The following NRG4 variants were observed in gnomAD, a reference collection of about 807,000 sequenced individuals.
The protein encoded by NRG4 is pro-neuregulin-4, membrane-bound isoform.
A neutral mutation model predicts 15.0 loss-of-function variants in NRG4; 10 were observed. That is an observed-to-expected ratio of 0.67 (90% CI 0.41 to 1.13). The LOEUF is 1.13. Among genes scored for constraint, NRG4 ranks in the 50% most tolerant of loss-of-function variants. The probability of loss-of-function intolerance (pLI) is 0.00; values close to 1 mark genes in which losing one functional copy is unlikely to be tolerated. For synonymous variants in NRG4, 41 were observed against 50.1 expected, an observed-to-expected ratio of 0.82 and a Z score of 0.77; for missense variants, 139 against 140.2, an observed-to-expected ratio of 0.99 and a Z score of 0.04.
chr15:75,940,788 CTAACA>C (rs2030877923), downstream of NRG4: 1 of 1,596 alleles, frequency 6.3e-4, no homozygotes, highest in African/African-American at 8.1e-4. Flanking sequence ...ACATGGCTAA[CTAACA>C]AAGTTGCAAC....
rs558300169 is a variant in NRG4 at position 75,956,665 on chromosome 15, C to T, written c.252-654G>A. Among the ~76,000 whole-genome samples the T allele has an allele frequency of 4.1e-4, 63 of 152,226 alleles. No homozygotes were observed. The South Asian group carries it at 0.012, about 28-fold the overall frequency. ...TCTAAAAGCATACTTGCTCCTATTC[C>T]GGAGACACTACTGATTCTAGCCCAG... On this transcript the variant is annotated intron_variant, in intron 4 of 5. Coordinates refer to ENST00000394907, the MANE Select transcript of NRG4 (RefSeq NM_138573.4).
chr15:76,054,359 A>AG (rs1243690103), intron 2 of NRG4, among the ~76,000 whole-genome samples: 1 of 142,190 alleles, frequency 7.0e-6, no homozygotes, highest in Middle Eastern at 3.2e-3. Flanking sequence ...CCAAAGTGCT[A>AG]GGATTACAGG....
At chr15:76,015,122 C>A (rs1291794260), upstream of NRG4, among the ~76,000 whole-genome samples, 2 of 152,104 alleles carry the variant, frequency 1.3e-5, no homozygotes, top group African/African-American at 4.8e-5. Context: ...AATGGGAGTT[C>A]ACTCATGATT....
intron 5 of NRG4, among the ~76,000 whole-genome samples, chr15:75,950,231 C>A (rs1361435230): frequency 6.6e-6 from 1 of 152,050 alleles, no homozygotes; most frequent in Admixed American, 6.6e-5. Flanking sequence ...GAGATTCTAT[C>A]ATTAATAATT....
intron 5 of NRG4, among the ~76,000 whole-genome samples, chr15:75,955,028 A>C (rs1351647150): frequency 1.3e-5 from 2 of 152,116 alleles, no homozygotes; most frequent in Non-Finnish European, 2.9e-5. Flanking sequence ...TTCCAGCCTC[A>C]GTGGGAACAG....
chr15:76,038,888 C>T (rs1332709196), intron 4 of NRG4, among the ~76,000 whole-genome samples: 1 of 152,220 alleles, frequency 6.6e-6, no homozygotes, highest in Non-Finnish European at 1.5e-5. Context: ...TCACCCTACT[C>T]CCAGCCAGAG....
At position 76,053,978 on chromosome 15, in the gene NRG4, A is replaced by G. The variant is rs150310175; in HGVS notation, c.-261-995T>C. On this transcript the variant is annotated intron_variant, in intron 2 of 8. Coordinates refer to the NRG4 transcript ENST00000563910. Reference sequence around the variant, plus strand: ...AAAGGAATGGTTCTTCATAGAGTACATGCAAAATTCCAAATATCAAACACA... The same window carrying G: ...AAAGGAATGGTTCTTCATAGAGTACGTGCAAAATTCCAAATATCAAACACA... 5.6e-3 allele frequency among the ~76,000 whole-genome samples: 841 copies of G among 151,316 alleles called. 63 individuals are homozygous for G. Among genetic ancestry groups the G allele is most frequent in the African/African-American group, 0.02 (799 of 40,710 alleles).
At chr15:75,986,526 G>C (rs1203694868) in intron 3 of NRG4, among the ~76,000 whole-genome samples, 2 of 152,180 alleles carry the variant, frequency 1.3e-5, no homozygotes, top group South Asian at 2.1e-4. Flanking sequence ...AATATATTCT[G>C]AAGAGAAAAA....
At chr15:75,949,298 C>T (rs1296735138) in intron 5 of NRG4, among the ~76,000 whole-genome samples, 1 of 151,828 alleles carries the variant, frequency 6.6e-6, no homozygotes, top group African/African-American at 2.4e-5. Context: ...GTAGTCCCAG[C>T]TACTCGGGAG....
chr15:75,996,829 A>G (rs2034233273), intron 3 of NRG4, among the ~76,000 whole-genome samples: 1 of 152,186 alleles, frequency 6.6e-6, no homozygotes, highest in African/African-American at 2.4e-5. Context: ...GAAATGTATT[A>G]TAGGAATTAT....
chr15:75,966,422 T>C (rs1567080573), intron 3 of NRG4, among the ~76,000 whole-genome samples: 1 of 152,196 alleles, frequency 6.6e-6, no homozygotes, highest in Non-Finnish European at 1.5e-5. Context: ...CATAGGGCTA[T>C]TGTCAGAATC....
At chr15:76,007,697 G>A (rs891306298) in intron 3 of NRG4, among the ~76,000 whole-genome samples, 2 of 152,072 alleles carry the variant, frequency 1.3e-5, no homozygotes, top group African/African-American at 4.8e-5. Flanking sequence ...CCAAAGTGCT[G>A]GGATTACAGG....
chr15:75,981,527 G>A (rs1484228579), intron 3 of NRG4, among the ~76,000 whole-genome samples: 1 of 152,124 alleles, frequency 6.6e-6, no homozygotes, highest in African/African-American at 2.4e-5. Context: ...AAAATTTGTG[G>A]CATTGGATTT....
At chr15:75,970,266 T>C (rs544885240) in intron 3 of NRG4, among the ~76,000 whole-genome samples, 1 of 152,332 alleles carries the variant, frequency 6.6e-6, no homozygotes, top group African/African-American at 2.4e-5. Flanking sequence ...AGACAACACG[T>C]CCAATGAAGA....
upstream of NRG4, among the ~76,000 whole-genome samples, chr15:76,014,362 T>A (rs192752785): frequency 3.8e-4 from 58 of 152,352 alleles, no homozygotes; most frequent in Admixed American, 2.2e-3. Context: ...ATCCCATTTG[T>A]CAGTTTTGGC....
intron 5 of NRG4, among the ~76,000 whole-genome samples, chr15:76,026,138 C>G (rs1046533104): frequency 3.9e-5 from 6 of 152,104 alleles, no homozygotes; most frequent in African/African-American, 1.4e-4. Flanking sequence ...AATGAAATAA[C>G]AGCTGAAGAC....
intron 5 of NRG4, among the ~76,000 whole-genome samples, chr15:75,954,221 T>A (rs568882692): frequency 6.6e-6 from 1 of 152,020 alleles, no homozygotes. Flanking sequence ...ATATTTTCTA[T>A]GGTGTGTAAT....
chr15:76,037,517 A>C (rs775953644), intron 4 of NRG4, among the ~76,000 whole-genome samples: 5 of 152,202 alleles, frequency 3.3e-5, no homozygotes, highest in Non-Finnish European at 7.3e-5. Flanking sequence ...AGCCCTAGCC[A>C]GAGGAGAATC....
chr15:75,965,375 A>C (rs1315098319), intron 3 of NRG4, among the ~76,000 whole-genome samples: 1 of 152,246 alleles, frequency 6.6e-6, no homozygotes, highest in Non-Finnish European at 1.5e-5. Context: ...AGAAAAAGGC[A>C]TACAAAGTAA....
Sources: gnomAD v4.1 joint callset for allele counts (sites outside exome capture counted in the v4.1 genomes callset) on GRCh38, gnomAD v4.1.1 for gene constraint, MANE v1.5 for transcripts, NCBI Gene and HGNC (gene_info 2026-07-23, HGNC 2026-07-21) for gene names.